Variants in CELF4 observed in about 807,000 individuals in gnomAD.
CELF4 encodes CUGBP Elav-like family member 4, also known as CUG-BP- and ETR-3-like factor 4.
A neutral mutation model predicts 59.9 loss-of-function variants in CELF4; 18 were observed. The observed-to-expected ratio is 0.30, with a 90% confidence interval of 0.21 to 0.45. The LOEUF (loss-of-function observed/expected upper bound fraction) is 0.45, where lower values mean the gene tolerates loss of function less well. Ranked by LOEUF, CELF4 falls within the 20% of genes least tolerant of loss-of-function variation. The pLI, the probability that CELF4 is intolerant of heterozygous loss-of-function variation, is 1.00. For missense variants in CELF4, 456 were observed against 689.0 expected (o/e 0.66, Z 3.79); for synonymous variants, 261 against 267.1 (o/e 0.98, Z 0.22).
intron 2 of CELF4, among the ~76,000 whole-genome samples, chr18:37,346,520 G>C (rs79358626): frequency 6.6e-6 from 1 of 152,202 alleles, no homozygotes; most frequent in African/African-American, 2.4e-5. Flanking sequence ...GGACCACCTA[G>C]TCGGGTTCTT....
At chr18:37,353,012 GA>G (rs1413087945) in intron 2 of CELF4, among the ~76,000 whole-genome samples, 1 of 152,088 alleles carries the variant, frequency 6.6e-6, no homozygotes, top group Non-Finnish European at 1.5e-5. Context: ...AGGAAGTCAG[GA>G]GATCGAGACC....
Position 37,453,808 on chromosome 18 carries a change from C to T in CELF4, c.369+31717G>A, listed in dbSNP as rs577263978. 7.2e-4 allele frequency among the ~76,000 whole-genome samples: 109 copies of T among 152,140 alleles called. 3 individuals carry two copies. The South Asian group carries it at 0.02, about 28-fold the overall frequency. ...CAGGGGTAGTCTGAAGAGAAAATGC[C>T]GATATGAGCCTCTGTACCACCCTGG... On this transcript the variant is annotated intron_variant, in intron 2 of 12. Transcript: ENST00000420428.
At chr18:37,380,677 T>TCATC (rs1307881119) in intron 2 of CELF4, among the ~76,000 whole-genome samples, 6 of 146,306 alleles carry the variant, frequency 4.1e-5, no homozygotes, top group Non-Finnish European at 6.0e-5. Context: ...CCTGATTTAG[T>TCATC]CATCCATCCA....
intron 2 of CELF4, among the ~76,000 whole-genome samples, chr18:37,333,727 TCC>T (rs2097650389): frequency 3.5e-4 from 1 of 2,824 alleles, no homozygotes; most frequent in Non-Finnish European, 6.7e-4. Context: ...ACAAACTCCA[TCC>T]ATCCATCCAT....
At chr18:37,261,139 G>C (rs1164572133) in intron 10 of CELF4, among the ~76,000 whole-genome samples, 2 of 152,048 alleles carry the variant, frequency 1.3e-5, no homozygotes, top group African/African-American at 2.4e-5. Context: ...TCTGGGGTGG[G>C]GCTCTTTCTC....
intron 2 of CELF4, among the ~76,000 whole-genome samples, chr18:37,340,319 C>A (rs181679982): frequency 1.6e-3 from 237 of 152,326 alleles, no homozygotes; most frequent in African/African-American, 5.3e-3. Flanking sequence ...CTGGGCTCAG[C>A]CCTGACTGAG....
chr18:37,523,774 G>A (rs1423375888), intron 1 of CELF4, among the ~76,000 whole-genome samples: 1 of 152,150 alleles, frequency 6.6e-6, no homozygotes. Context: ...CTTCCTTTCC[G>A]TGAAACTTGA....
intron 2 of CELF4, among the ~76,000 whole-genome samples, chr18:37,452,405 C>T (rs1408013773): frequency 6.6e-6 from 1 of 152,012 alleles, no homozygotes; most frequent in Non-Finnish European, 1.5e-5. Flanking sequence ...GCTCAAGGAA[C>T]CCCAAGGTGG....
At chr18:37,393,200 C>T (rs151105628) in intron 2 of CELF4, among the ~76,000 whole-genome samples, 1 of 152,128 alleles carries the variant, frequency 6.6e-6, no homozygotes, top group African/African-American at 2.4e-5. Context: ...TACCCTGATG[C>T]CCTCCTGCTA....
intron 2 of CELF4, among the ~76,000 whole-genome samples, chr18:37,423,011 T>C (rs555018372): frequency 1.5e-5 from 2 of 129,228 alleles, no homozygotes; most frequent in South Asian, 7.2e-4. Flanking sequence ...TGGGAGCAGC[T>C]AGCGGTGCCT....
At chr18:37,436,824 A>C (rs1433380204) in intron 2 of CELF4, among the ~76,000 whole-genome samples, 1 of 152,222 alleles carries the variant, frequency 6.6e-6, no homozygotes, top group Non-Finnish European at 1.5e-5. Context: ...CTCCCACATC[A>C]GTGTGATCAC....
intron 2 of CELF4, among the ~76,000 whole-genome samples, chr18:37,327,154 C>T (rs1254238104): frequency 6.6e-6 from 1 of 152,134 alleles, no homozygotes; most frequent in Non-Finnish European, 1.5e-5. Context: ...TCTTTCCTGA[C>T]TCCCTCCCAA....
intron 2 of CELF4, among the ~76,000 whole-genome samples, chr18:37,392,870 T>C (rs1300629372): frequency 1.3e-5 from 2 of 152,234 alleles, no homozygotes; most frequent in East Asian, 1.9e-4. Context: ...ATCTGCTTCA[T>C]CCTCTTCAAA....
chr18:37,495,992 C>A (rs1034376358), intron 1 of CELF4, among the ~76,000 whole-genome samples: 3 of 152,112 alleles, frequency 2.0e-5, no homozygotes, highest in Non-Finnish European at 4.4e-5. Flanking sequence ...TTGGGTCACA[C>A]AGCCAAGCCA....
chr18:37,253,954 G>A lies in CELF4; in HGVS notation c.1334-16C>T, dbSNP rs569057529. The A allele has an allele frequency of 3.8e-6, 6 of 1,598,030 alleles. No homozygotes were observed. Among genetic ancestry groups the A allele is most frequent in the Non-Finnish European group, 5.1e-6 (6 of 1,173,010 alleles). On this transcript the variant is annotated splice_polypyrimidine_tract_variant and intron_variant, in intron 11 of 12. Coordinates refer to ENST00000420428, the MANE Select transcript of CELF4 (RefSeq NM_020180.4). The surrounding 1 kb of genome is among the most constrained non-coding windows in gnomAD (Gnocchi z 4.5). ...CTCACGAAGCCTGGCGAGACACGAG[G>A]GACGAGGGCCTGGGTTTCCACGGGG...
chr18:37,562,717 T>G (rs2154606346), intron 1 of CELF4, among the ~76,000 whole-genome samples: 1 of 152,314 alleles, frequency 6.6e-6, no homozygotes, highest in South Asian at 2.1e-4. Context: ...AGCTAATAAA[T>G]CAGGCTCCAT....
intron 2 of CELF4, among the ~76,000 whole-genome samples, chr18:37,428,540 C>T (rs1569569374): frequency 6.6e-6 from 1 of 152,216 alleles, no homozygotes; most frequent in Admixed American, 6.5e-5. Context: ...AGAACTCACA[C>T]ATCCAAAGGG....
chr18:37,534,986 G>T (rs750928105), intron 1 of CELF4, among the ~76,000 whole-genome samples: 13 of 152,184 alleles, frequency 8.5e-5, no homozygotes, highest in Non-Finnish European at 1.6e-4. Context: ...TGTCCCAAAG[G>T]CTTGCGATGT....
intron 1 of CELF4, among the ~76,000 whole-genome samples, chr18:37,557,655 C>T (rs532066477): frequency 3.9e-5 from 6 of 152,298 alleles, no homozygotes; most frequent in South Asian, 2.1e-4. Flanking sequence ...TCAGTTTATG[C>T]GTTGTCCAGA....
Sources: allele counts gnomAD v4.1 joint callset (sites outside exome capture counted in the v4.1 genomes callset), GRCh38; gene constraint gnomAD v4.1.1; non-coding constraint Gnocchi (gnomAD v3.1); transcripts MANE v1.5; gene names NCBI Gene and HGNC (gene_info 2026-07-23, HGNC 2026-07-21).